The following MAGI2 variants were observed in gnomAD, a reference collection of about 807,000 sequenced individuals.
MAGI2 encodes membrane-associated guanylate kinase, WW and PDZ domain-containing protein 2.
MAGI2 carries 35 observed loss-of-function variants against 133.3 expected under a neutral mutation model. The observed-to-expected ratio is 0.26, with a 90% CI of 0.20 to 0.35. The LOEUF (loss-of-function observed/expected upper bound fraction) is 0.35. Ranked by LOEUF, MAGI2 falls within the 10% of genes least tolerant of loss-of-function variation. The pLI, the probability that MAGI2 is intolerant of heterozygous loss-of-function variation, is 1.00. For missense variants in MAGI2, 1,636 were observed against 1,863.4 expected (o/e 0.88, Z 2.25); for synonymous variants, 729 against 710.6 (o/e 1.03, Z -0.41).
At chr7:79,104,663 C>T (rs1310954734) in intron 1 of MAGI2, among the ~76,000 whole-genome samples, 1 of 151,560 alleles carries the variant, frequency 6.6e-6, no homozygotes, top group Non-Finnish European at 1.5e-5. Flanking sequence ...GAGACTCCAT[C>T]TCAAAAATAA....
chr7:78,305,158 C>T (rs1011853412), intron 9 of MAGI2, among the ~76,000 whole-genome samples: 2 of 152,160 alleles, frequency 1.3e-5, no homozygotes, highest in Non-Finnish European at 2.9e-5. Context: ...CTTCACTATT[C>T]GGAACCCCTT....
At chr7:78,315,387 G>A (rs963693784) in intron 9 of MAGI2, among the ~76,000 whole-genome samples, 3 of 152,120 alleles carry the variant, frequency 2.0e-5, no homozygotes, top group African/African-American at 7.2e-5. Flanking sequence ...ATTGATGATG[G>A]AGTTCATACA....
At chr7:79,213,942 A>T (rs1829737825) in intron 1 of MAGI2, among the ~76,000 whole-genome samples, 1 of 152,016 alleles carries the variant, frequency 6.6e-6, no homozygotes. Context: ...CTATCACGGA[A>T]AATTAATCAG....
chr7:79,077,855 T>G (rs1010111979), intron 1 of MAGI2, among the ~76,000 whole-genome samples: 9 of 152,278 alleles, frequency 5.9e-5, no homozygotes, highest in Admixed American at 4.6e-4. Context: ...ATATTTACGT[T>G]TCTTACTATT....
chr7:78,611,920 AC>A lies in MAGI2; in HGVS notation c.538+15199del, dbSNP rs376962965. Reference sequence around the variant, plus strand: ...CTCTAGTAACTGGACCACTCCAACTACCCCCAGAAGCTTCTGTCTATAATCC... The same window carrying A: ...CTCTAGTAACTGGACCACTCCAACTACCCCAGAAGCTTCTGTCTATAATCC... On this transcript the variant is annotated intron_variant, in intron 3 of 21. Transcript: ENST00000354212. Among the ~76,000 whole-genome samples the A allele has an allele frequency of 8.3e-4, 127 of 152,188 alleles. 2 individuals carry two copies. The East Asian group carries it at 0.019, about 23-fold the overall frequency.
chr7:78,905,004 AT>A, intron 2 of MAGI2, among the ~76,000 whole-genome samples: 1 of 152,172 alleles, frequency 6.6e-6, no homozygotes, highest in African/African-American at 2.4e-5. Flanking sequence ...TCAAGGATTC[AT>A]TCCCATAGGT....
At chr7:78,804,611 T>C (rs1178073749) in intron 2 of MAGI2, among the ~76,000 whole-genome samples, 1 of 150,510 alleles carries the variant, frequency 6.6e-6, no homozygotes, top group Non-Finnish European at 1.5e-5. Flanking sequence ...TAGCCGGGCA[T>C]GGTGGCGGGC....
At chr7:78,757,631 G>C (rs916882557) in intron 2 of MAGI2, among the ~76,000 whole-genome samples, 2 of 152,088 alleles carry the variant, frequency 1.3e-5, no homozygotes, top group Non-Finnish European at 2.9e-5. Flanking sequence ...AGCTGCACCT[G>C]ATACAGTTGA....
At chr7:78,702,753 A>T (rs1435107941) in intron 2 of MAGI2, among the ~76,000 whole-genome samples, 1 of 152,048 alleles carries the variant, frequency 6.6e-6, no homozygotes, top group Non-Finnish European at 1.5e-5. Flanking sequence ...AGGAGCATTT[A>T]TTGGATGACT....
chr7:78,444,164 G>A (rs1787896936), intron 6 of MAGI2, among the ~76,000 whole-genome samples: 1 of 151,996 alleles, frequency 6.6e-6, no homozygotes, highest in Admixed American at 6.6e-5. Flanking sequence ...TCAGTAAACT[G>A]GGATAATGTA....
At chr7:78,517,708 C>A (rs1796156463) in intron 4 of MAGI2, among the ~76,000 whole-genome samples, 1 of 151,942 alleles carries the variant, frequency 6.6e-6, no homozygotes, top group African/African-American at 2.4e-5. Flanking sequence ...ATTACCAAGG[C>A]AATGTGTGAC....
At chr7:79,354,986 T>C (rs2129114866) in intron 1 of MAGI2, among the ~76,000 whole-genome samples, 1 of 152,318 alleles carries the variant, frequency 6.6e-6, no homozygotes, top group East Asian at 1.9e-4. Flanking sequence ...TGCTTCCCTT[T>C]CTCTCCTTCT....
intron 1 of MAGI2, among the ~76,000 whole-genome samples, chr7:79,322,786 AAAAAAAAG>A (rs1410432587): frequency 8.0e-5 from 12 of 149,942 alleles, no homozygotes; most frequent in Admixed American, 4.0e-4. Context: ...TCTCAAAAAA[AAAAAAAAG>A]AAAAAGAAAA....
At chr7:79,016,002 G>A (rs979066259) in intron 1 of MAGI2, among the ~76,000 whole-genome samples, 16 of 111,598 alleles carry the variant, frequency 1.4e-4, no homozygotes, top group African/African-American at 3.5e-4. Context: ...GAGAAGCGGG[G>A]GGGGGGGGTG....
intron 11 of MAGI2, 107 bp from the exon 12 acceptor site, chr7:78,195,170 G>A (rs1481542505): frequency 2.4e-6 from 2 of 840,630 alleles, no homozygotes; most frequent in African/African-American, 1.7e-5. Context: ...TTCTTCCAGG[G>A]GATGGGTAAA....
rs372521517 is a variant in MAGI2, at chr7:78,317,762, C to T, written c.1408+26016G>A. ...AGCTCTGGTTGGCATATGGTGGGTG[C>T]CCCACTAGGATGAAGCTTCCAGAGG... On this transcript the variant is annotated intron_variant, in intron 9 of 21. Coordinates refer to ENST00000354212, the MANE Select transcript of MAGI2 (RefSeq NM_012301.4). Among the ~76,000 whole-genome samples, 21 of 152,290 alleles carry T rather than the reference C, an allele frequency of 1.4e-4. 1 individual carries two copies. The South Asian group carries it at 4.4e-3, about 32-fold the overall frequency.
chr7:78,070,490 A>T (rs201905134), intron 21 of MAGI2, among the ~76,000 whole-genome samples: 1 of 144,380 alleles, frequency 6.9e-6, no homozygotes, highest in Non-Finnish European at 1.5e-5. Flanking sequence ...ATGTGTGTGT[A>T]TATATGTGTG....
chr7:79,190,778 T>C (rs2129551125), intron 1 of MAGI2, among the ~76,000 whole-genome samples: 1 of 152,016 alleles, frequency 6.6e-6, no homozygotes, highest in South Asian at 2.1e-4. Context: ...TCTATACACA[T>C]TAACATGCTA....
At chr7:78,339,873 G>A (rs1303843297) in intron 9 of MAGI2, among the ~76,000 whole-genome samples, 1 of 152,124 alleles carries the variant, frequency 6.6e-6, no homozygotes, top group African/African-American at 2.4e-5. Flanking sequence ...CTTTTAAGGA[G>A]ATATAATATG....
Sources: allele counts gnomAD v4.1 joint callset (sites outside exome capture counted in the v4.1 genomes callset), GRCh38; gene constraint gnomAD v4.1.1; transcripts MANE v1.5; gene names NCBI Gene and HGNC (gene_info 2026-07-23, HGNC 2026-07-21).